TACC3: variants seen among roughly 807,000 people sequenced by gnomAD.
TACC3 encodes the protein transforming acidic coiled-coil-containing protein 3.
Under a neutral mutation model 86.0 loss-of-function variants are expected in TACC3, and 52 were observed. The ratio of observed to expected loss-of-function variants is 0.60; its 90% CI spans 0.48 to 0.76. The LOEUF (loss-of-function observed/expected upper bound fraction) is 0.76, where lower values mean the gene tolerates loss of function less well. Ranked by LOEUF, TACC3 falls within the 30% of genes least tolerant of loss-of-function variation. The probability of loss-of-function intolerance (pLI) is 0.00; values close to 1 mark genes in which losing one functional copy is unlikely to be tolerated. For missense variants in TACC3, 1,120 were observed against 1,070.4 expected (o/e 1.05, Z -0.65); for synonymous variants, 512 against 430.0 (o/e 1.19, Z -2.36).
intron 14 of TACC3, 32 bp downstream of exon 14, chr4:1,744,656 G>A (rs538529474): frequency 6.2e-7 from 1 of 1,612,356 alleles, no homozygotes; most frequent in South Asian, 1.1e-5. Flanking sequence ...ACCCTGGAGG[G>A]AGAATCTGAG....
intron 4 of TACC3, 152 bp downstream of exon 4, chr4:1,728,939 CA>C: frequency 1.3e-6 from 1 of 785,534 alleles, no homozygotes; most frequent in Non-Finnish European, 2.0e-6. Flanking sequence ...AAACAGGGCT[CA>C]GGTGGCTCCC....
Position 1,737,666 on chromosome 4 carries a change from C to T in TACC3, c.1905C>T (p.Asp635=), listed in dbSNP as rs1167514156. The T allele has an allele frequency of 1.4e-5, 22 of 1,550,334 alleles. No homozygotes were observed. Among genetic ancestry groups the T allele is most frequent in the Non-Finnish European group, 1.7e-5 (20 of 1,146,534 alleles). ...CCCTGTCCACCGGACCTATAGTGGA[C>T]CTGCTCCAGTACAGCCAGAAGGACC... The part of the protein sequence containing the change: ...GPPLSTGPIV[D]LLQYSQKDLD... Residue 635 remains aspartate (D), a synonymous_variant, in exon 10 of 16, where the codon GAC becomes GAT. Transcript: ENST00000313288.
intron 13 of TACC3, among the ~76,000 whole-genome samples, chr4:1,743,009 A>G (rs1004211605): frequency 6.6e-6 from 1 of 152,158 alleles, no homozygotes; most frequent in Non-Finnish European, 1.5e-5. Flanking sequence ...TATGCCTGTA[A>G]TCCCAGCACT....
chr4:1,720,994 G>A (rs1265459066), upstream of TACC3: 1 of 327,784 alleles, frequency 3.1e-6, no homozygotes, highest in Non-Finnish European at 5.6e-6. This position sits in a 1 kb window ranked among gnomAD's most constrained non-coding sequence, Gnocchi z 4.4. Context: ...CCGCCCGCGG[G>A]GCACTCTAGG....
Position 1,735,643 on chromosome 4 carries a change from G to T in TACC3, c.1645-88G>T. ...GGAGTGTGCGGGTGACCGGGGGTGG[G>T]AGTGTGCAGGTGACCTCCCTGGCCC... On this transcript the variant is annotated intron_variant, in intron 7 of 15. Transcript: ENST00000313288. This position sits in a 1 kb window ranked among gnomAD's most constrained non-coding sequence, Gnocchi z 4.2. 1.9e-6 allele frequency: 2 copies of T among 1,040,796 alleles called. No homozygotes were observed. Among genetic ancestry groups the T allele is most frequent in the East Asian group, 4.8e-5 (2 of 41,742 alleles). 64.5% of individuals were successfully genotyped at this position (1,040,796 alleles called of 1,614,324 possible).
intron 13 of TACC3, chr4:1,741,224 G>A (rs570772465): frequency 5.5e-5 from 23 of 418,102 alleles, no homozygotes; most frequent in Admixed American, 2.6e-4. Context: ...TGAGCCGTCC[G>A]CTGTTGTGTG....
rs186724230 is a variant in TACC3 at position 1,742,770 on chromosome 4, G to T, written c.2224-1748G>T. ...GCCAAGATCGTGCCACTGCACTCCA[G>T]CCTGGGCGACAGAGTGAGACTCCAT... On this transcript the variant is annotated intron_variant, in intron 13 of 15. Coordinates refer to ENST00000313288, the MANE Select transcript of TACC3 (RefSeq NM_006342.3). Among the ~76,000 whole-genome samples, 558 of 151,168 alleles carry T rather than the reference G, an allele frequency of 3.7e-3. 4 individuals carry two copies. Among genetic ancestry groups the T allele is most frequent in the African/African-American group, 0.013 (543 of 41,162 alleles).
Position 1,735,237 on chromosome 4 carries a change from A to AGGG in TACC3, c.1592-34_1592-32dup. The AGGG allele has an allele frequency of 6.2e-7, 1 of 1,613,406 alleles. No homozygotes were observed. The stretch of plus-strand genomic sequence containing the variant: ...GCCCGCCGCCCTTAGGGCCCTGGTG[A>AGGG]GGGGCGATGGCGGCGGCATGATTCA... On this transcript the variant is annotated intron_variant, in intron 6 of 15. Transcript: ENST00000313288. This position sits in a 1 kb window ranked among gnomAD's most constrained non-coding sequence, Gnocchi z 4.2.
Position 1,723,720 on chromosome 4 carries a change from C to T in TACC3, c.163-8C>T, listed in dbSNP as rs372508891. ...TGAATAGGTGCTCTCCTCCTCACTCCGCAACAGGTGACTTTTCAGACACCT... is the reference window on the plus strand; with the variant it reads ...TGAATAGGTGCTCTCCTCCTCACTCTGCAACAGGTGACTTTTCAGACACCT... On this transcript the variant is annotated splice_region_variant and splice_polypyrimidine_tract_variant and intron_variant, in intron 2 of 15. Transcript: ENST00000313288. The T allele has an allele frequency of 4.4e-5, 71 of 1,613,536 alleles. No homozygotes were observed. The highest frequency in any genetic ancestry group is 1.1e-4 in the East Asian group (5 of 44,898).
Position 1,728,063 on chromosome 4 carries a change from GAGGAAGAATGCA to G in TACC3, c.663_674del (p.Glu222_Lys225del). On this transcript the variant is annotated inframe_deletion, in exon 4 of 16. Transcript: ENST00000313288. ...CAAAGCGGAGACTCCGCACGGAGCCGAGGAAGAATGCAAAGCGGAGACTCCGCACGGAGCCGA... is the reference window on the plus strand; with the variant it reads ...CAAAGCGGAGACTCCGCACGGAGCCGAAGCGGAGACTCCGCACGGAGCCGA... The G allele has an allele frequency of 6.5e-7, 1 of 1,542,382 alleles. No homozygotes were observed. Among genetic ancestry groups the G allele is most frequent in the Non-Finnish European group, 8.8e-7 (1 of 1,141,514 alleles).
At chr4:1,726,031 A>C (rs1179444049) in intron 3 of TACC3, among the ~76,000 whole-genome samples, 1 of 152,248 alleles carries the variant, frequency 6.6e-6, no homozygotes, top group Non-Finnish European at 1.5e-5. Flanking sequence ...GCACTGGCAC[A>C]TGACCCTGCG....
In TACC3 at chr4:1,730,928, A is replaced by C. The variant is rs779615051; in HGVS notation, c.1427A>C (p.Gln476Pro). 17 of 1,613,322 alleles carry C rather than the reference A, an allele frequency of 1.1e-5. No homozygotes were observed. The highest frequency in any genetic ancestry group is 1.4e-5 in the Non-Finnish European group (17 of 1,180,054). ...SASAEDTPVV[Q>P]LAAETPTAES... The stretch of plus-strand genomic sequence containing the variant: ...TCAGCGGAGGACACGCCTGTGGTGC[A>C]GTTGGCAGCCGAGACCCCAACAGCA... The change falls in exon 5 of 16, where the codon CAG (glutamine) becomes CCG (proline). Residue 476 changes from glutamine (Q) to proline (P), a missense_variant. Coordinates refer to ENST00000313288, the MANE Select transcript of TACC3 (RefSeq NM_006342.3).
At chr4:1,720,990 G>A, upstream of TACC3, 1 of 359,534 alleles carries the variant, frequency 2.8e-6, no homozygotes, top group Non-Finnish European at 5.0e-6. This position sits in a 1 kb window ranked among gnomAD's most constrained non-coding sequence, Gnocchi z 4.4. Flanking sequence ...CCGGCCGCCC[G>A]CGGGGCACTC....
chr4:1,733,976 CAAA>C (rs59539835), intron 6 of TACC3, among the ~76,000 whole-genome samples: 1 of 123,476 alleles, frequency 8.1e-6, no homozygotes. Context: ...GACTCTGTCT[CAAA>C]AAAAAAAAAA....
chr4:1,723,617 G>C (rs780013168), intron 2 of TACC3, 34 bp downstream of exon 2: 9 of 1,609,026 alleles, frequency 5.6e-6, no homozygotes, highest in Non-Finnish European at 7.6e-6. Flanking sequence ...TGGCTGGCCA[G>C]GTTGCCCTAG....
rs756917239 is a variant in TACC3, at chr4:1,735,872, A to G, written c.1748+38A>G. The G allele has an allele frequency of 7.1e-7, 1 of 1,407,568 alleles. No individual in the cohort carries two copies. The allele number at this position is 1,407,568 out of a possible 1,614,324, so 87.2% of individuals were successfully genotyped here. ...GCCCTCCCTCATGCATGAAGCCTTG[A>G]GTGTGGGAAGACTGGAGGCTGTTCC... is the stretch of plus-strand genomic sequence containing the variant. On this transcript the variant is annotated intron_variant, in intron 8 of 15. Coordinates refer to ENST00000313288, the MANE Select transcript of TACC3 (RefSeq NM_006342.3). The surrounding 1 kb of genome is among the most constrained non-coding windows in gnomAD (Gnocchi z 4.2).
rs749979976 is a variant in TACC3, at chr4:1,737,302, G to A, written c.1810G>A (p.Asp604Asn). 5.0e-6 allele frequency: 8 copies of A among 1,614,100 alleles called. No individual in the cohort carries two copies. Among genetic ancestry groups the A allele is most frequent in the South Asian group, 2.2e-5 (2 of 91,082 alleles). ...GCGGGAAGCCAAGCTTGTGGAGTTC[G>A]ATTTCTTGGGAGCACTGGACATTCC... is the stretch of plus-strand genomic sequence containing the variant. ...RPREAKLVEF[D>N]FLGALDIPVP... The change falls in exon 9 of 16, where the codon GAT becomes AAT. Residue 604 changes from aspartate to asparagine, a missense_variant. By Grantham distance (23) the Asp-to-Asn change is conservative (BLOSUM62 1). Transcript: ENST00000313288.
intron 5 of TACC3, 38 bp from the exon 6 acceptor site, chr4:1,731,134 G>GACTGC: frequency 6.2e-7 from 1 of 1,610,376 alleles, no homozygotes; most frequent in Non-Finnish European, 8.5e-7. Flanking sequence ...CAAGTACCTT[G>GACTGC]ACTGCACTGC....
intron 13 of TACC3, among the ~76,000 whole-genome samples, chr4:1,744,207 A>AGGTGCATCCCACTTTCCAGCAGCACTT (rs1718731600): frequency 6.6e-6 from 1 of 152,186 alleles, no homozygotes. Context: ...CAGTGGTCCC[A>AGGTGCATCCCACTTTCCAGCAGCACTT]GGTGCATCCC....
Sources: gnomAD v4.1 joint callset for allele counts (sites outside exome capture counted in the v4.1 genomes callset) on GRCh38, gnomAD v4.1.1 for gene constraint, Gnocchi (gnomAD v3.1) non-coding constraint, MANE v1.5 for transcripts, NCBI Gene and HGNC (gene_info 2026-07-23, HGNC 2026-07-21) for gene names.